The following PIWIL4 variants were observed in gnomAD, a reference collection of about 807,000 sequenced individuals.
PIWIL4 encodes piwi like RNA-mediated gene silencing 4.
A neutral mutation model predicts 100.9 loss-of-function variants in PIWIL4; 50 were observed. That is an observed-to-expected ratio of 0.50 (90% CI 0.39 to 0.63). PIWIL4 has a LOEUF of 0.63. PIWIL4 is among the 20% of genes least tolerant of loss of function. The pLI is 0.00. For missense variants in PIWIL4, 887 were observed against 1,043.3 expected, an observed-to-expected ratio of 0.85 and a Z score of 2.06; for synonymous variants, 342 against 367.5, an observed-to-expected ratio of 0.93 and a Z score of 0.79.
chr11:94,616,586 G>T (rs749783761), intron 16 of PIWIL4, 23 bp downstream of exon 16: 2 of 1,572,628 alleles, frequency 1.3e-6, no homozygotes, highest in Non-Finnish European at 1.7e-6. Context: ...TAGCAATGTG[G>T]GTGGGCTCCA....
At position 94,603,995 on chromosome 11, in the gene PIWIL4, A is replaced by C. The variant is rs776658499; in HGVS notation, c.1577A>C (p.Gln526Pro). ...NVDYPKIIKVQENPAAFVRAI... is the reference protein window; with the variant it reads ...NVDYPKIIKVPENPAAFVRAI... ...ATCTTTTTATGTAGCATAAAAGTAC[A>C]AGAAAATCCAGCTGCATTTGTTAGA... Residue 526 changes from glutamine (Q) to proline (P), a missense_variant, in exon 13 of 20, where the codon CAA (glutamine) becomes CCA (proline). Physicochemically the swap from Gln to Pro is moderately conservative, Grantham distance 76. This residue lies in a region of PIWIL4 where 741 missense variants were observed against 930.0 expected (regional missense o/e 0.80). Transcript: ENST00000299001. The C allele has an allele frequency of 1.9e-6, 3 of 1,603,884 alleles. No individual in the cohort carries two copies.
At position 94,589,203 on chromosome 11, in the gene PIWIL4, G is replaced by A. The variant is rs199802393; in HGVS notation, c.997G>A (p.Glu333Lys). The change falls in exon 8 of 20, where the codon GAG becomes AAG. Residue 333 changes from glutamate (E) to lysine (K), a missense_variant. By Grantham distance (56) the Glu-to-Lys change is moderately conservative (BLOSUM62 1). Transcript: ENST00000299001. Reference sequence around the variant, plus strand: ...CACCTTTCAGAAGCGGGATGGCACCGAGATCACCTATGTGGATTACTACAA... The same window carrying A: ...CACCTTTCAGAAGCGGGATGGCACCAAGATCACCTATGTGGATTACTACAA... ...THTFQKRDGT[E>K]ITYVDYYKQQ... is the part of the protein sequence containing the mutation. 40 of 1,609,080 alleles carry A rather than the reference G, an allele frequency of 2.5e-5. No homozygotes were observed. The highest frequency in any genetic ancestry group is 1.6e-4 in the Middle Eastern group (1 of 6,080).
intron 3 of PIWIL4, among the ~76,000 whole-genome samples, chr11:94,576,258 C>T (rs1948235526): frequency 6.6e-6 from 1 of 152,198 alleles, no homozygotes; most frequent in Non-Finnish European, 1.5e-5. Flanking sequence ...CCTTAGCCTC[C>T]TGAGTAGCTG....
chr11:94,604,644 T>C (rs973584361), intron 13 of PIWIL4, among the ~76,000 whole-genome samples: 3 of 152,338 alleles, frequency 2.0e-5, no homozygotes, highest in East Asian at 3.9e-4. Flanking sequence ...AGAATTGACA[T>C]CCCTGTTCTT....
chr11:94,600,548 C>G (rs1292358356), intron 11 of PIWIL4, among the ~76,000 whole-genome samples: 1 of 152,094 alleles, frequency 6.6e-6, no homozygotes, highest in Non-Finnish European at 1.5e-5. Flanking sequence ...CAAATGGAGG[C>G]AGGGCGGGAT....
intron 8 of PIWIL4, among the ~76,000 whole-genome samples, chr11:94,589,866 G>T (rs1176960282): frequency 6.6e-6 from 1 of 152,090 alleles, no homozygotes; most frequent in Non-Finnish European, 1.5e-5. Context: ...GCTCTGGGGA[G>T]GGGGCTCCTT....
At chr11:94,570,840 C>T (rs34071604) in intron 2 of PIWIL4, among the ~76,000 whole-genome samples, 48 of 152,022 alleles carry the variant, frequency 3.2e-4, no homozygotes, top group Non-Finnish European at 2.9e-5. Flanking sequence ...TGCAGTAAAC[C>T]GAGATTGCGC....
At chr11:94,608,863 T>C (rs1042668325) in intron 15 of PIWIL4, among the ~76,000 whole-genome samples, 177 bp downstream of exon 15, 3 of 152,266 alleles carry the variant, frequency 2.0e-5, no homozygotes, top group Non-Finnish European at 4.4e-5. Context: ...TGGGGTACTA[T>C]GTAGCCTCAT....
chr11:94,594,128 C>T (rs1948522670), intron 9 of PIWIL4, among the ~76,000 whole-genome samples: 1 of 152,054 alleles, frequency 6.6e-6, no homozygotes. Context: ...TTGTGTGTTC[C>T]TTGAGTCAGT....
At chr11:94,578,040 GC>G (rs1948262734) in intron 4 of PIWIL4, among the ~76,000 whole-genome samples, 1 of 152,030 alleles carries the variant, frequency 6.6e-6, no homozygotes, top group Non-Finnish European at 1.5e-5. Context: ...CCATTCTTTG[GC>G]CCTCCAGAAA....
intron 9 of PIWIL4, among the ~76,000 whole-genome samples, chr11:94,594,192 C>T (rs1001959317): frequency 6.6e-6 from 1 of 152,044 alleles, no homozygotes; most frequent in Non-Finnish European, 1.5e-5. Context: ...GAAGGGCCGG[C>T]GTGGTGGCTC....
chr11:94,608,411 C>A, intron 14 of PIWIL4, 172 bp from the exon 15 acceptor site: 1 of 573,214 alleles, frequency 1.7e-6, no homozygotes, highest in Non-Finnish European at 3.1e-6. Context: ...TTCTTTAAGT[C>A]TCTCTCATTT....
At chr11:94,586,964 G>C in intron 6 of PIWIL4, 86 bp from the exon 7 acceptor site, 1 of 1,232,054 alleles carries the variant, frequency 8.1e-7, no homozygotes, top group Non-Finnish European at 1.1e-6. Context: ...TCGAGAATTA[G>C]AACAGAAAAT....
At chr11:94,578,895 G>A (rs1407145941) in intron 4 of PIWIL4, among the ~76,000 whole-genome samples, 1 of 152,176 alleles carries the variant, frequency 6.6e-6, no homozygotes, top group African/African-American at 2.4e-5. Context: ...CAGTTGGAAT[G>A]AGTGAATCAC....
chr11:94,621,298 G>T lies in PIWIL4; in HGVS notation c.*306G>T, dbSNP rs746474485. ...TTAAACACTTAAAATAAGTGTTTGC[G>T]TGATATTTTGATGACAGATAAACAG... On this transcript the variant is annotated 3_prime_UTR_variant, in exon 20 of 20. Transcript: ENST00000299001. The T allele has an allele frequency of 1.2e-5, 3 of 257,874 alleles. No homozygotes were observed. Among genetic ancestry groups the T allele is most frequent in the East Asian group, 8.5e-5 (1 of 11,794 alleles). 16.0% of individuals were successfully genotyped at this position (257,874 alleles called of 1,614,324 possible). A position where few individuals can be genotyped will look rare whatever the true frequency, so the allele number is the denominator to read the frequency against.
intron 2 of PIWIL4, among the ~76,000 whole-genome samples, chr11:94,571,575 G>A (rs954780481): frequency 6.6e-6 from 1 of 152,130 alleles, no homozygotes; most frequent in African/African-American, 2.4e-5. Flanking sequence ...TCAGAATGAC[G>A]GTTTCTAGCT....
intron 5 of PIWIL4, among the ~76,000 whole-genome samples, chr11:94,584,023 C>T (rs1044819232): frequency 6.6e-6 from 1 of 152,290 alleles, no homozygotes; most frequent in Non-Finnish European, 1.5e-5. Flanking sequence ...TTTCTTTCCC[C>T]CACACCTACA....
chr11:94,589,848 G>A (rs1288080711), intron 8 of PIWIL4, among the ~76,000 whole-genome samples: 3 of 152,078 alleles, frequency 2.0e-5, no homozygotes, highest in Non-Finnish European at 4.4e-5. Context: ...CCCCATCCTA[G>A]ACATTGAGCT....
intron 17 of PIWIL4, 24 bp from the exon 18 acceptor site, chr11:94,619,736 A>C (rs1948885885): frequency 1.9e-6 from 3 of 1,600,710 alleles, no homozygotes; most frequent in Non-Finnish European, 2.6e-6. Context: ...AGTTCTTTTC[A>C]TATTTTGCCT....
Sources: allele counts gnomAD v4.1 joint callset (sites outside exome capture counted in the v4.1 genomes callset), GRCh38; gene constraint gnomAD v4.1.1; regional missense constraint gnomAD v4.1.1; transcripts MANE v1.5; gene names NCBI Gene and HGNC (gene_info 2026-07-23, HGNC 2026-07-21).